BANP: variants seen among roughly 807,000 people sequenced by gnomAD.
The protein encoded by BANP is protein BANP.
BANP carries 11 observed loss-of-function variants against 68.1 expected under a neutral mutation model. The ratio of observed to expected loss-of-function variants is 0.16; its 90% CI spans 0.10 to 0.27. The LOEUF is 0.27. BANP is among the 10% of genes least tolerant of loss of function. BANP has a pLI of 1.00. For missense variants in BANP, 504 were observed against 722.7 expected, an observed-to-expected ratio of 0.70 and a Z score of 3.47; for synonymous variants, 329 against 303.2, an observed-to-expected ratio of 1.09 and a Z score of -0.88.
At position 88,018,319 on chromosome 16, in the gene BANP, C is replaced by A; in HGVS notation, c.656-109C>A. 1 of 1,385,468 alleles carries A rather than the reference C, an allele frequency of 7.2e-7. No individual in the cohort carries two copies. The highest frequency in any genetic ancestry group is 9.9e-7 in the Non-Finnish European group (1 of 1,013,782). 85.8% of individuals were successfully genotyped at this position (1,385,468 alleles called of 1,614,324 possible). A position where few individuals can be genotyped will look rare whatever the true frequency, so the allele number is the denominator to read the frequency against. ...CACAAGTTACGAGGGATTTGCCCAG[C>A]CCTGCGTGGAGCATCTTTCCCGACT... On this transcript the variant is annotated intron_variant, in intron 6 of 13. Coordinates refer to ENST00000682872, the MANE Select transcript of BANP (RefSeq NM_001386991.1). The surrounding 1 kb of genome is among the most constrained non-coding windows in gnomAD (Gnocchi z 7.7).
chr16:87,950,222 T>C (rs2056682577), upstream of BANP, among the ~76,000 whole-genome samples: 1 of 152,128 alleles, frequency 6.6e-6, no homozygotes, highest in Admixed American at 6.5e-5. Flanking sequence ...GCCCTGTGTT[T>C]GGGAGCTCAA....
At chr16:88,028,416 G>A (rs114536564) in intron 8 of BANP, among the ~76,000 whole-genome samples, 2,117 of 152,248 alleles carry the variant, frequency 0.014, 48 homozygotes, top group African/African-American at 0.045. Flanking sequence ...GAGTTCTCCC[G>A]GGGCCTGGTT....
chr16:87,965,978 A>G (rs1051263530), intron 1 of BANP, among the ~76,000 whole-genome samples: 1 of 152,118 alleles, frequency 6.6e-6, no homozygotes, highest in Non-Finnish European at 1.5e-5. Flanking sequence ...TGTCATCCCC[A>G]ACTGTCTTGG....
chr16:87,990,569 G>C (rs1598183342), intron 4 of BANP, among the ~76,000 whole-genome samples: 1 of 152,266 alleles, frequency 6.6e-6, no homozygotes, highest in Middle Eastern at 3.4e-3. Flanking sequence ...CATTTCATAG[G>C]CTTTAGAATC....
chr16:87,997,127 T>G (rs538642606), intron 4 of BANP, among the ~76,000 whole-genome samples: 95 of 152,280 alleles, frequency 6.2e-4, no homozygotes, highest in Admixed American at 2.5e-3. Flanking sequence ...GCTTTCAAAG[T>G]GGAAGATGTT....
chr16:87,984,148 C>A lies in BANP; in HGVS notation c.251C>A (p.Ser84Tyr), dbSNP rs1383159307. 1 of 1,610,992 alleles carries A rather than the reference C, an allele frequency of 6.2e-7. No homozygotes were observed. Among genetic ancestry groups the A allele is most frequent in the Non-Finnish European group, 8.5e-7 (1 of 1,178,314 alleles). The change falls in exon 4 of 14, where the codon TCC (serine) becomes TAC (tyrosine). Residue 84 changes from serine to tyrosine, a missense_variant. Around this residue, in one of 3 missense-constraint regions of BANP, gnomAD observed 238 missense variants for 278.9 expected, o/e 0.85. Coordinates refer to ENST00000682872, the MANE Select transcript of BANP (RefSeq NM_001386991.1). The part of the protein sequence containing the change: ...KLQALEATCK[S>Y]LEEKLDLVTN... Reference sequence around the variant, plus strand: ...CAAGCCCTGGAGGCTACTTGTAAATCCTTAGAAGAAAAGCTGGATCTGGTC... The same window carrying A: ...CAAGCCCTGGAGGCTACTTGTAAATACTTAGAAGAAAAGCTGGATCTGGTC...
rs145178027 is a variant in BANP, at chr16:88,007,133, G to A, written c.655+868G>A. Reference sequence around the variant, plus strand: ...AAATCTTTCCACGTTAGTGCAGATGGACAGAGTCATTTTTAGCCAGTTTTG... The same window carrying A: ...AAATCTTTCCACGTTAGTGCAGATGAACAGAGTCATTTTTAGCCAGTTTTG... On this transcript the variant is annotated intron_variant, in intron 6 of 13. Coordinates refer to ENST00000682872, the MANE Select transcript of BANP (RefSeq NM_001386991.1). 4.4e-3 allele frequency among the ~76,000 whole-genome samples: 662 copies of A among 152,182 alleles called. 3 individuals carry two copies. The highest frequency in any genetic ancestry group is 0.012 in the African/African-American group (484 of 41,502).
chr16:88,001,884 T>G (rs937538864), intron 4 of BANP, among the ~76,000 whole-genome samples: 1 of 150,976 alleles, frequency 6.6e-6, no homozygotes, highest in Non-Finnish European at 1.5e-5. Context: ...TGAAAAAATT[T>G]ATGTTCCTAA....
intron 4 of BANP, among the ~76,000 whole-genome samples, chr16:87,988,830 C>G (rs2065140564): frequency 6.6e-6 from 1 of 152,204 alleles, no homozygotes; most frequent in Non-Finnish European, 1.5e-5. Flanking sequence ...TGCATCTGCT[C>G]AGAGCCAGCC....
chr16:87,950,124 G>A (rs1394511908), upstream of BANP, among the ~76,000 whole-genome samples: 9 of 152,154 alleles, frequency 5.9e-5, no homozygotes, highest in African/African-American at 2.2e-4. Flanking sequence ...TGATCCACCC[G>A]CCTCGGCCTC....
intron 11 of BANP, among the ~76,000 whole-genome samples, chr16:88,060,305 G>A (rs1313700002): frequency 6.6e-6 from 1 of 152,228 alleles, no homozygotes; most frequent in East Asian, 1.9e-4. Flanking sequence ...AGCCTGGCCT[G>A]GCCTGCTGGT....
chr16:88,016,645 C>G (rs1045547990), intron 6 of BANP, among the ~76,000 whole-genome samples: 7 of 152,346 alleles, frequency 4.6e-5, no homozygotes, highest in Admixed American at 3.9e-4. Flanking sequence ...GCTGGAGTCT[C>G]GAAGCTTTGC....
At chr16:88,035,752 G>A (rs1156758117) in intron 10 of BANP, among the ~76,000 whole-genome samples, 1 of 152,226 alleles carries the variant, frequency 6.6e-6, no homozygotes, top group Non-Finnish European at 1.5e-5. Context: ...GTCTGCCCCT[G>A]CGTAGGTGAC....
At chr16:87,961,355 G>A (rs889465511) in intron 1 of BANP, among the ~76,000 whole-genome samples, 2 of 150,820 alleles carry the variant, frequency 1.3e-5, no homozygotes, top group Non-Finnish European at 3.0e-5. Context: ...GTAGAGACAG[G>A]GTTTTGCTGT....
intron 10 of BANP, chr16:88,037,275 G>A (rs1215188944): frequency 6.6e-6 from 1 of 152,276 alleles, no homozygotes; most frequent in East Asian, 1.9e-4. Flanking sequence ...AATCCATCTT[G>A]TATAGGTGAT....
At chr16:88,014,965 T>A (rs867843133) in intron 6 of BANP, among the ~76,000 whole-genome samples, 2 of 152,054 alleles carry the variant, frequency 1.3e-5, no homozygotes, top group African/African-American at 4.8e-5. Flanking sequence ...TATTCCTGGA[T>A]TACTGAGCAG....
At chr16:87,953,485 A>C (rs1369386934) in intron 1 of BANP, among the ~76,000 whole-genome samples, 2 of 152,168 alleles carry the variant, frequency 1.3e-5, no homozygotes, top group Non-Finnish European at 2.9e-5. Context: ...TACAGGTGTG[A>C]GTGACTGCAC....
At chr16:87,995,727 T>G (rs547290166) in intron 4 of BANP, among the ~76,000 whole-genome samples, 2 of 152,394 alleles carry the variant, frequency 1.3e-5, no homozygotes, top group South Asian at 4.1e-4. Context: ...CTCCTCTCCC[T>G]GCTGTAGAAA....
intron 4 of BANP, among the ~76,000 whole-genome samples, chr16:87,998,949 T>A (rs1243281875): frequency 8.9e-5 from 1 of 11,210 alleles, no homozygotes; most frequent in African/African-American, 2.6e-4. Context: ...TGTACTTACC[T>A]GTCCTTCCAG....
Sources: allele counts gnomAD v4.1 joint callset (sites outside exome capture counted in the v4.1 genomes callset), GRCh38; gene constraint gnomAD v4.1.1; regional missense constraint gnomAD v4.1.1; non-coding constraint Gnocchi (gnomAD v3.1); transcripts MANE v1.5; gene names NCBI Gene and HGNC (gene_info 2026-07-23, HGNC 2026-07-21).